The following RBM38 variants were observed in gnomAD, a reference collection of about 807,000 sequenced individuals.
The protein encoded by RBM38 is RNA-binding protein 38.
RBM38 carries 11 observed loss-of-function variants against 23.5 expected under a neutral mutation model. The ratio of observed to expected loss-of-function variants is 0.47; its 90% CI spans 0.29 to 0.77. The LOEUF (loss-of-function observed/expected upper bound fraction) is 0.77, where lower values mean the gene tolerates loss of function less well. Among genes scored for constraint, RBM38 ranks in the 30% least tolerant of loss-of-function variants. The pLI is 0.08. For synonymous variants in RBM38, 165 were observed against 166.1 expected (o/e 0.99, Z 0.05); for missense variants, 330 against 351.9 (o/e 0.94, Z 0.50).
intron 1 of RBM38, chr20:57,392,201 A>G (rs1600741717): frequency 3.0e-6 from 1 of 329,860 alleles, no homozygotes; most frequent in Non-Finnish European, 5.9e-6. Context: ...CCTCCCCCAT[A>G]TTTTTAACAG....
intron 1 of RBM38, chr20:57,392,284 A>C (rs2067227641): frequency 1.8e-6 from 1 of 553,992 alleles, no homozygotes; most frequent in South Asian, 1.7e-5. Context: ...CTTACCTTCC[A>C]AGCATAGCGT....
chr20:57,393,106 A>G, intron 2 of RBM38, 173 bp from the exon 3 acceptor site: 1 of 695,068 alleles, frequency 1.4e-6, no homozygotes, highest in East Asian at 2.6e-5. Context: ...TCACTGCCAC[A>G]CTTCAGCGGT....
At chr20:57,406,993 CAAAA>C (rs573363075) in intron 3 of RBM38, among the ~76,000 whole-genome samples, 2 of 76,118 alleles carry the variant, frequency 2.6e-5, no homozygotes, top group Non-Finnish European at 3.0e-5. Context: ...GACTCTGTCT[CAAAA>C]AAAAAAAAAA....
chr20:57,392,206 T>C, intron 1 of RBM38: 1 of 335,552 alleles, frequency 3.0e-6, no homozygotes, highest in Non-Finnish European at 5.8e-6. Context: ...CCCATATTTT[T>C]AACAGCCCTC....
chr20:57,405,878 T>C (rs956611398), intron 3 of RBM38, among the ~76,000 whole-genome samples: 2 of 152,302 alleles, frequency 1.3e-5, no homozygotes, highest in African/African-American at 4.8e-5. Flanking sequence ...GTGTTTTCAG[T>C]GCCCACATGT....
At chr20:57,394,603 G>A (rs1214338555) in intron 3 of RBM38, among the ~76,000 whole-genome samples, 7 of 151,728 alleles carry the variant, frequency 4.6e-5, no homozygotes, top group Middle Eastern at 3.4e-3. Flanking sequence ...CGTGTAGGGT[G>A]GTGGGAGCAG....
Position 57,407,684 on chromosome 20 carries a change from C to A in RBM38, c.558C>A (p.Thr186=). The change falls in exon 4 of 4, where the codon ACC becomes ACA. Residue 186 remains threonine (T), a synonymous_variant. Coordinates refer to ENST00000356208, the MANE Select transcript of RBM38 (RefSeq NM_017495.6). The surrounding 1 kb of genome is among the most constrained non-coding windows in gnomAD (Gnocchi z 4.0). ...SPAYAQYPPA[T]YDQYPYAASP... ...CCTACGCCCAGTACCCACCGGCCAC[C>A]TATGACCAGTACCCATACGCCGCCT... 6.2e-7 allele frequency: 1 copy of A among 1,612,634 alleles called. No homozygotes were observed. The highest frequency in any genetic ancestry group is 1.1e-5 in the South Asian group (1 of 91,088).
chr20:57,392,411 C>T (rs2067229219), intron 1 of RBM38: 1 of 1,523,876 alleles, frequency 6.6e-7, no homozygotes, highest in Non-Finnish European at 8.8e-7. Context: ...TTATTTTTGT[C>T]CTTGAAGGCC....
At chr20:57,394,763 G>A (rs2067257495) in intron 3 of RBM38, among the ~76,000 whole-genome samples, 1 of 152,170 alleles carries the variant, frequency 6.6e-6, no homozygotes, top group Admixed American at 6.5e-5. Flanking sequence ...TTGTTTTCCA[G>A]AACCTTGGCT....
At chr20:57,395,995 G>A (rs553829985) in intron 3 of RBM38, among the ~76,000 whole-genome samples, 1 of 152,260 alleles carries the variant, frequency 6.6e-6, no homozygotes, top group East Asian at 1.9e-4. Flanking sequence ...ACTCTTCCTT[G>A]ACTTTCTGAC....
intron 3 of RBM38, among the ~76,000 whole-genome samples, chr20:57,397,384 C>T (rs1397611653): frequency 2.0e-5 from 3 of 152,250 alleles, no homozygotes; most frequent in African/African-American, 7.2e-5. Context: ...GACTCAACGC[C>T]TCCCTCTGGC....
In RBM38 at chr20:57,395,272, C is replaced by T. The variant is rs969527376; in HGVS notation, c.416+1939C>T. Among the ~76,000 whole-genome samples, 3 of 151,550 alleles carry T rather than the reference C, an allele frequency of 2.0e-5. No homozygotes were observed. The South Asian group carries it at 6.3e-4, about 32-fold the overall frequency. ...GGGTGGGGAGGCGTGAGGTAATAGA[C>T]GTCCGGGAGGAGATTGGAACACAGG... is the stretch of plus-strand genomic sequence containing the variant. On this transcript the variant is annotated intron_variant, in intron 3 of 3. Coordinates refer to ENST00000356208, the MANE Select transcript of RBM38 (RefSeq NM_017495.6).
chr20:57,394,056 A>G (rs971694330), intron 3 of RBM38, among the ~76,000 whole-genome samples: 10 of 152,064 alleles, frequency 6.6e-5, no homozygotes, highest in Non-Finnish European at 1.0e-4. Context: ...CCCATGATGG[A>G]TGGAAGCTGT....
At chr20:57,400,155 G>A (rs75329978) in intron 3 of RBM38, among the ~76,000 whole-genome samples, 4,061 of 152,282 alleles carry the variant, frequency 0.027, 189 homozygotes, top group African/African-American at 0.092. Flanking sequence ...AACAGAGGCC[G>A]GAGGGGCTGA....
chr20:57,397,805 C>T (rs572404837), intron 3 of RBM38, among the ~76,000 whole-genome samples: 7 of 152,312 alleles, frequency 4.6e-5, no homozygotes, highest in East Asian at 3.9e-4. Context: ...AAGAAAGACA[C>T]GGTCCCCGAT....
chr20:57,403,321 C>T (rs192292349), intron 3 of RBM38, among the ~76,000 whole-genome samples: 5 of 152,290 alleles, frequency 3.3e-5, no homozygotes, highest in Admixed American at 6.5e-5. Flanking sequence ...AGGGGCGAGG[C>T]GCAACCCTAG....
intron 1 of RBM38, chr20:57,392,235 C>T (rs1368607537): frequency 2.8e-6 from 1 of 358,544 alleles, no homozygotes; most frequent in African/African-American, 2.2e-5. Context: ...CCCAAATAAA[C>T]ATCAGCTTAA....
At chr20:57,398,401 C>T (rs915819143) in intron 3 of RBM38, among the ~76,000 whole-genome samples, 14 of 152,236 alleles carry the variant, frequency 9.2e-5, no homozygotes, top group African/African-American at 2.4e-4. Context: ...TGCAGGTCGC[C>T]GTGGCGGGCA....
intron 3 of RBM38, among the ~76,000 whole-genome samples, chr20:57,395,048 C>T (rs1054118303): frequency 6.6e-6 from 1 of 152,228 alleles, no homozygotes; most frequent in African/African-American, 2.4e-5. Flanking sequence ...CATCCTCATC[C>T]GGAAAACAGG....
Sources: allele counts gnomAD v4.1 joint callset (sites outside exome capture counted in the v4.1 genomes callset), GRCh38; gene constraint gnomAD v4.1.1; non-coding constraint Gnocchi (gnomAD v3.1); transcripts MANE v1.5; gene names NCBI Gene and HGNC (gene_info 2026-07-23, HGNC 2026-07-21).